GRIN2A: variants seen among roughly 807,000 people sequenced by gnomAD.
GRIN2A encodes the protein glutamate ionotropic receptor NMDA type subunit 2A.
In GRIN2A, 22 loss-of-function variants were observed where a neutral mutation model predicts 113.4. That is an observed-to-expected ratio of 0.19 (90% CI 0.14 to 0.28). GRIN2A has a LOEUF of 0.28. Among genes scored for constraint, GRIN2A ranks in the 10% least tolerant of loss-of-function variants. The pLI, the probability that GRIN2A is intolerant of heterozygous loss-of-function variation, is 1.00. For missense variants in GRIN2A, 1,502 were observed against 1,887.0 expected (o/e 0.80, Z 3.78); for synonymous variants, 827 against 738.4 (o/e 1.12, Z -1.94).
chr16:10,122,338 C>A (rs183486355), intron 2 of GRIN2A, among the ~76,000 whole-genome samples: 1 of 152,200 alleles, frequency 6.6e-6, no homozygotes, highest in African/African-American at 2.4e-5. Context: ...AGTTTTAATC[C>A]AAGTGAACTC....
At chr16:9,803,894 A>G (rs1211220621) in intron 10 of GRIN2A, among the ~76,000 whole-genome samples, 1 of 152,242 alleles carries the variant, frequency 6.6e-6, no homozygotes, top group East Asian at 1.9e-4. Context: ...TAGAAAATTC[A>G]GATGGGGGGT....
chr16:9,940,017 T>TGAGAGAGA (rs71402418), intron 2 of GRIN2A, among the ~76,000 whole-genome samples: 465 of 134,404 alleles, frequency 3.5e-3, no homozygotes, highest in African/African-American at 0.012. Context: ...GGGATTCCAC[T>TGAGAGAGA]GAGAGAGAGA....
At chr16:9,940,160 T>A (rs2044836660) in intron 2 of GRIN2A, among the ~76,000 whole-genome samples, 1 of 152,084 alleles carries the variant, frequency 6.6e-6, no homozygotes, top group African/African-American at 2.4e-5. Flanking sequence ...TCAACAAGTT[T>A]ACATCACTTT....
At chr16:10,069,043 G>A (rs973736173) in intron 2 of GRIN2A, among the ~76,000 whole-genome samples, 8 of 152,154 alleles carry the variant, frequency 5.3e-5, no homozygotes, top group Admixed American at 4.6e-4. Flanking sequence ...CGCAGTTCAT[G>A]AGAAGGCACC....
chr16:10,109,345 GA>G (rs35123641), intron 2 of GRIN2A, among the ~76,000 whole-genome samples: 75,871 of 146,484 alleles, frequency 0.52, 21,143 homozygotes, highest in Admixed American at 0.63. Flanking sequence ...AACATTTAAG[GA>G]AAAAAAAAAA....
intron 9 of GRIN2A, among the ~76,000 whole-genome samples, chr16:9,828,483 T>C (rs1239031525): frequency 6.6e-6 from 1 of 152,322 alleles, no homozygotes; most frequent in African/African-American, 2.4e-5. Context: ...AGGATATATG[T>C]AGACTTATGT....
chr16:9,955,421 T>C (rs927279905), intron 2 of GRIN2A, among the ~76,000 whole-genome samples: 19 of 152,268 alleles, frequency 1.2e-4, no homozygotes, highest in Admixed American at 3.3e-4. Context: ...ATGTCTTCCA[T>C]ACCCTCACGG....
rs963041741 is a variant in GRIN2A at position 9,834,589 on chromosome 16, C to G, written c.1652-359G>C. On this transcript the variant is annotated intron_variant, in intron 7 of 12. Transcript: ENST00000330684. ...TTGAGACGGGGTTTCGCCATGTTGC[C>G]CAGGCTGGTCTCAAACTCCTGACCT... Among the ~76,000 whole-genome samples, 7 of 152,134 alleles carry G rather than the reference C, an allele frequency of 4.6e-5. No homozygotes were observed. The East Asian group carries it at 1.4e-3, about 29-fold the overall frequency.
intron 2 of GRIN2A, among the ~76,000 whole-genome samples, chr16:10,147,215 C>G (rs1316443987): frequency 6.6e-6 from 1 of 152,030 alleles, no homozygotes; most frequent in Non-Finnish European, 1.5e-5. Flanking sequence ...GCTTAACGAG[C>G]AGCAATTTTG....
At chr16:9,986,111 C>G (rs1011836285) in intron 2 of GRIN2A, among the ~76,000 whole-genome samples, 2 of 150,448 alleles carry the variant, frequency 1.3e-5, no homozygotes, top group Non-Finnish European at 3.0e-5. Flanking sequence ...AGACAATTAC[C>G]CAACCTCCTT....
chr16:9,899,882 G>A (rs1268349557), intron 3 of GRIN2A, among the ~76,000 whole-genome samples: 3 of 152,218 alleles, frequency 2.0e-5, no homozygotes, highest in East Asian at 3.8e-4. Flanking sequence ...AGGCAATATT[G>A]CAAGAATTGG....
At chr16:9,956,653 C>T (rs1344271408) in intron 2 of GRIN2A, among the ~76,000 whole-genome samples, 1 of 152,158 alleles carries the variant, frequency 6.6e-6, no homozygotes, top group Admixed American at 6.5e-5. Context: ...ATGGAAAAGA[C>T]AAATATTAAT....
intron 10 of GRIN2A, among the ~76,000 whole-genome samples, chr16:9,802,500 G>A (rs573300332): frequency 6.6e-6 from 1 of 152,270 alleles, no homozygotes; most frequent in East Asian, 1.9e-4. Flanking sequence ...TAAAAAAAGA[G>A]ATGGCCATTG....
intron 4 of GRIN2A, among the ~76,000 whole-genome samples, chr16:9,887,117 G>T (rs1457393556): frequency 6.6e-6 from 1 of 152,098 alleles, no homozygotes; most frequent in Non-Finnish European, 1.5e-5. Flanking sequence ...GAACTCCTGA[G>T]CTCAGGCAAT....
intron 2 of GRIN2A, among the ~76,000 whole-genome samples, chr16:10,002,328 T>A (rs2046334367): frequency 6.6e-6 from 1 of 152,198 alleles, no homozygotes; most frequent in Non-Finnish European, 1.5e-5. Flanking sequence ...AATGGGTTAT[T>A]GCCAATAGAT....
chr16:9,872,673 G>C (rs770769780), intron 4 of GRIN2A, among the ~76,000 whole-genome samples: 14 of 152,140 alleles, frequency 9.2e-5, no homozygotes, highest in Non-Finnish European at 2.1e-4. Flanking sequence ...GTCTTTTGCA[G>C]CAACATGGAT....
chr16:9,800,625 G>A (rs1299065675), intron 10 of GRIN2A, among the ~76,000 whole-genome samples: 2 of 152,000 alleles, frequency 1.3e-5, no homozygotes, highest in Non-Finnish European at 2.9e-5. Flanking sequence ...GGTTTGAGGT[G>A]GCGCAAAACT....
At chr16:9,798,163 T>C in intron 11 of GRIN2A, 114 bp downstream of exon 11, 1 of 844,584 alleles carries the variant, frequency 1.2e-6, no homozygotes. Context: ...ACTCAGTAAA[T>C]ATTTTTAGGG....
intron 3 of GRIN2A, among the ~76,000 whole-genome samples, chr16:9,904,907 C>T (rs1046490783): frequency 2.6e-5 from 4 of 152,160 alleles, no homozygotes; most frequent in African/African-American, 9.7e-5. Context: ...GATTGACATC[C>T]AGTAGTAGTG....
Sources: allele counts gnomAD v4.1 joint callset (sites outside exome capture counted in the v4.1 genomes callset), GRCh38; gene constraint gnomAD v4.1.1; transcripts MANE v1.5; gene names NCBI Gene and HGNC (gene_info 2026-07-23, HGNC 2026-07-21).